SGCZ: variants seen among roughly 807,000 people sequenced by gnomAD.
The protein encoded by SGCZ is sarcoglycan zeta, also known as zeta-sarcoglycan.
In SGCZ, 40 loss-of-function variants were observed where a neutral mutation model predicts 41.3. That is an observed-to-expected ratio of 0.97 (90% CI 0.75 to 1.26). SGCZ has a LOEUF of 1.26. Among genes scored for constraint, SGCZ ranks in the 50% most tolerant of loss-of-function variants. The pLI, the probability that SGCZ is intolerant of heterozygous loss-of-function variation, is 0.00. For missense variants in SGCZ, 552 were observed against 369.8 expected, an observed-to-expected ratio of 1.49 and a Z score of -4.04; for synonymous variants, 206 against 137.5, an observed-to-expected ratio of 1.50 and a Z score of -3.49.
intron 2 of SGCZ, among the ~76,000 whole-genome samples, chr8:14,530,453 G>C (rs184996708): frequency 6.6e-6 from 1 of 152,092 alleles, no homozygotes; most frequent in East Asian, 1.9e-4. Flanking sequence ...GATTGATCAA[G>C]TATTTTCTGA....
At chr8:14,172,531 G>T (rs1172772757) in intron 4 of SGCZ, among the ~76,000 whole-genome samples, 1 of 152,098 alleles carries the variant, frequency 6.6e-6, no homozygotes, top group East Asian at 1.9e-4. Context: ...ATGAATCTTG[G>T]ACTTATTTTC....
intron 5 of SGCZ, among the ~76,000 whole-genome samples, chr8:14,138,525 AGG>A (rs34408219): frequency 0.19 from 24,536 of 131,320 alleles, 2,775 homozygotes; most frequent in East Asian, 0.62. Flanking sequence ...AAAAAAAAAA[AGG>A]GGGGGTTGCA....
At chr8:14,718,663 A>C (rs991994045) in intron 1 of SGCZ, among the ~76,000 whole-genome samples, 1 of 151,824 alleles carries the variant, frequency 6.6e-6, no homozygotes, top group Non-Finnish European at 1.5e-5. Context: ...CTATAATAAA[A>C]AAACTGTCCT....
chr8:14,130,560 G>C (rs1037758414), intron 5 of SGCZ, among the ~76,000 whole-genome samples: 6 of 152,148 alleles, frequency 3.9e-5, no homozygotes, highest in Non-Finnish European at 7.4e-5. Flanking sequence ...CTAAAGTACA[G>C]CAAGTGAGTG....
At chr8:14,189,686 G>T (rs1194132020) in intron 4 of SGCZ, among the ~76,000 whole-genome samples, 1 of 152,076 alleles carries the variant, frequency 6.6e-6, no homozygotes, top group Non-Finnish European at 1.5e-5. Context: ...TACATTGTTG[G>T]TGGCCTTACC....
intron 1 of SGCZ, among the ~76,000 whole-genome samples, chr8:15,028,477 G>C (rs1047997869): frequency 1.7e-4 from 25 of 147,232 alleles, no homozygotes; most frequent in African/African-American, 5.9e-4. Flanking sequence ...CATCGTCTAA[G>C]TTGAAGTCAG....
intron 1 of SGCZ, among the ~76,000 whole-genome samples, chr8:14,943,702 C>T (rs895563849): frequency 8.5e-5 from 13 of 152,194 alleles, no homozygotes; most frequent in African/African-American, 2.4e-4. Flanking sequence ...CCACTCAATA[C>T]GTAGTTTTTT....
At chr8:14,634,613 G>C (rs1806768077) in intron 1 of SGCZ, among the ~76,000 whole-genome samples, 1 of 151,798 alleles carries the variant, frequency 6.6e-6, no homozygotes, top group Non-Finnish European at 1.5e-5. Context: ...GTACGAGAAA[G>C]ATGCCTTGAA....
chr8:14,261,423 G>T (rs927835298), intron 3 of SGCZ, among the ~76,000 whole-genome samples: 1 of 152,118 alleles, frequency 6.6e-6, no homozygotes, highest in African/African-American at 2.4e-5. Context: ...AATTACCGTA[G>T]TGTAAATATT....
In SGCZ at chr8:14,134,107, G is replaced by A. The variant is rs150775280; in HGVS notation, c.548-25872C>T. Among the ~76,000 whole-genome samples the A allele has an allele frequency of 5.6e-3, 849 of 152,160 alleles. 5 individuals are homozygous for A. The highest frequency in any genetic ancestry group is 0.019 in the African/African-American group (807 of 41,512). ...GGTACAGCTACAGGTTATGTTATACGAGCATAACAATTGACAAATATCTAT... is the reference window on the plus strand; with the variant it reads ...GGTACAGCTACAGGTTATGTTATACAAGCATAACAATTGACAAATATCTAT... On this transcript the variant is annotated intron_variant, in intron 5 of 7. Coordinates refer to ENST00000382080, the MANE Select transcript of SGCZ (RefSeq NM_139167.4).
chr8:14,832,570 A>G (rs7836869), intron 1 of SGCZ, among the ~76,000 whole-genome samples: 18,484 of 152,174 alleles, frequency 0.12, 1,318 homozygotes, highest in East Asian at 0.23. Context: ...TAACACATAT[A>G]CTTTGTAGAA....
chr8:15,002,956 T>G (rs563898582), intron 1 of SGCZ, among the ~76,000 whole-genome samples: 1 of 151,980 alleles, frequency 6.6e-6, no homozygotes, highest in Admixed American at 6.6e-5. Flanking sequence ...TCTCACAAGA[T>G]CTGATGGTTT....
intron 1 of SGCZ, among the ~76,000 whole-genome samples, chr8:14,650,274 T>C (rs113495268): frequency 1.3e-5 from 2 of 152,180 alleles, no homozygotes; most frequent in Non-Finnish European, 2.9e-5. Flanking sequence ...TCCCCACTCT[T>C]CATCTTTACA....
intron 1 of SGCZ, among the ~76,000 whole-genome samples, chr8:14,790,172 C>G (rs1037829843): frequency 6.6e-6 from 1 of 152,058 alleles, no homozygotes; most frequent in African/African-American, 2.4e-5. Flanking sequence ...TTTCTGAGGG[C>G]CAGTGCTTTC....
chr8:14,201,744 C>A (rs1035615030), intron 4 of SGCZ, among the ~76,000 whole-genome samples: 2 of 152,086 alleles, frequency 1.3e-5, no homozygotes, highest in Non-Finnish European at 2.9e-5. Context: ...AAGCTCTATA[C>A]TGAAGTAGGA....
At chr8:14,985,028 G>A (rs779870548) in intron 1 of SGCZ, among the ~76,000 whole-genome samples, 1 of 151,928 alleles carries the variant, frequency 6.6e-6, no homozygotes, top group Non-Finnish European at 1.5e-5. Context: ...TTAAACTGAC[G>A]GTACCCTGAT....
intron 1 of SGCZ, among the ~76,000 whole-genome samples, chr8:14,688,865 C>G (rs992025178): frequency 6.6e-6 from 1 of 152,054 alleles, no homozygotes; most frequent in Admixed American, 6.6e-5. Flanking sequence ...TAGAAAATCC[C>G]ATTGTCTCAG....
At chr8:14,184,629 T>C (rs1350172602) in intron 4 of SGCZ, among the ~76,000 whole-genome samples, 1 of 152,212 alleles carries the variant, frequency 6.6e-6, no homozygotes, top group Non-Finnish European at 1.5e-5. Context: ...ACTAGAGGCA[T>C]CACAGTCAAG....
intron 7 of SGCZ, among the ~76,000 whole-genome samples, chr8:14,101,070 A>C (rs1802005564): frequency 6.6e-6 from 1 of 152,190 alleles, no homozygotes; most frequent in Non-Finnish European, 1.5e-5. Flanking sequence ...AAAATAACTA[A>C]GGTAGAATTA....
Sources: gnomAD v4.1 joint callset for allele counts (sites outside exome capture counted in the v4.1 genomes callset) on GRCh38, gnomAD v4.1.1 for gene constraint, MANE v1.5 for transcripts, NCBI Gene and HGNC (gene_info 2026-07-23, HGNC 2026-07-21) for gene names.